The following TNFSF4 variants were observed in gnomAD, a reference collection of about 807,000 sequenced individuals.
TNFSF4 encodes the protein TNF superfamily member 4, also known as tumor necrosis factor ligand superfamily member 4.
TNFSF4 carries 4 observed loss-of-function variants against 7.3 expected under a neutral mutation model. The observed-to-expected ratio is 0.55, with a 90% CI of 0.27 to 1.25. The LOEUF is 1.25. TNFSF4 is among the 50% of genes most tolerant of loss of function. The pLI is 0.12. For synonymous variants in TNFSF4, 76 were observed against 83.7 expected (o/e 0.91, Z 0.50); for missense variants, 181 against 208.8 (o/e 0.87, Z 0.82).
the TNFSF4 span, among the ~76,000 whole-genome samples, chr1:173,359,250 A>G: frequency 6.6e-6 from 1 of 152,186 alleles, no homozygotes; most frequent in Non-Finnish European, 1.5e-5. Context: ...AGTAGTAACT[A>G]GAAAATGTTT....
chr1:173,384,939 AT>A, the TNFSF4 span, among the ~76,000 whole-genome samples: 13 of 152,246 alleles, frequency 8.5e-5, no homozygotes, highest in Non-Finnish European at 1.3e-4. Context: ...TAGTTCAAAT[AT>A]GGTTTTAGTG....
chr1:173,361,425 C>T, the TNFSF4 span, among the ~76,000 whole-genome samples: 1 of 152,000 alleles, frequency 6.6e-6, no homozygotes, highest in African/African-American at 2.4e-5. Flanking sequence ...ATGGTGAAAC[C>T]CCATCTCTAC....
intron 1 of TNFSF4, among the ~76,000 whole-genome samples, chr1:173,197,093 T>C (rs1431862560): frequency 6.6e-6 from 1 of 152,234 alleles, no homozygotes; most frequent in Non-Finnish European, 1.5e-5. Flanking sequence ...ACACTGGCTC[T>C]AGTCAACACT....
chr1:173,295,306 T>C, the TNFSF4 span, among the ~76,000 whole-genome samples: 1 of 152,010 alleles, frequency 6.6e-6, no homozygotes, highest in Middle Eastern at 3.2e-3. Context: ...GCTTTATTCA[T>C]AATAGCTAAA....
the TNFSF4 span, among the ~76,000 whole-genome samples, chr1:173,177,257 T>C: frequency 2.6e-5 from 4 of 152,122 alleles, no homozygotes; most frequent in African/African-American, 9.7e-5. Flanking sequence ...GAATACTATT[T>C]GGCTGTAAAA....
At chr1:173,250,686 T>C in the TNFSF4 span, among the ~76,000 whole-genome samples, 11,194 of 151,966 alleles carry the variant, frequency 0.074, 806 homozygotes, top group African/African-American at 0.19. Context: ...GTCTCGATCT[T>C]CTGACCTCGT....
chr1:173,225,939 C>T, the TNFSF4 span, among the ~76,000 whole-genome samples: 6 of 152,116 alleles, frequency 3.9e-5, no homozygotes, highest in African/African-American at 1.4e-4. Flanking sequence ...AAATATAAAA[C>T]AGGCTATTAA....
the TNFSF4 span, among the ~76,000 whole-genome samples, chr1:173,320,703 G>A: frequency 0.14 from 20,764 of 152,026 alleles, 2,220 homozygotes; most frequent in African/African-American, 0.3. Context: ...CAGAGAGCCA[G>A]ATCATGAGTG....
chr1:173,182,392 C>T (rs1649071245), downstream of TNFSF4, among the ~76,000 whole-genome samples: 1 of 152,108 alleles, frequency 6.6e-6, no homozygotes, highest in African/African-American at 2.4e-5. Flanking sequence ...CCCATTACAT[C>T]CATACAGAGC....
the TNFSF4 span, among the ~76,000 whole-genome samples, chr1:173,251,872 G>T: frequency 6.6e-6 from 1 of 152,104 alleles, no homozygotes; most frequent in Admixed American, 6.6e-5. Flanking sequence ...CCATTATAAG[G>T]ATTTGTGCCT....
the TNFSF4 span, among the ~76,000 whole-genome samples, chr1:173,242,574 G>A: frequency 2.0e-5 from 3 of 152,168 alleles, no homozygotes; most frequent in Admixed American, 6.5e-5. Flanking sequence ...GATTTTGCAA[G>A]CATGATTAAA....
chr1:173,229,930 A>C, the TNFSF4 span, among the ~76,000 whole-genome samples: 3 of 152,336 alleles, frequency 2.0e-5, no homozygotes, highest in African/African-American at 7.2e-5. Context: ...CAGATTCATA[A>C]AGCAAGTCCT....
the TNFSF4 span, among the ~76,000 whole-genome samples, chr1:173,425,117 T>C: frequency 3.0e-5 from 4 of 133,582 alleles, no homozygotes; most frequent in South Asian, 1.2e-3. Flanking sequence ...TTCCTTTCTT[T>C]TAATTGGGTA....
chr1:173,321,376 T>C, the TNFSF4 span, among the ~76,000 whole-genome samples: 1 of 152,080 alleles, frequency 6.6e-6, no homozygotes, highest in Admixed American at 6.6e-5. Context: ...CTAAAAACCC[T>C]AGAAGAAAAC....
chr1:173,319,895 G>T, the TNFSF4 span, among the ~76,000 whole-genome samples: 3 of 152,078 alleles, frequency 2.0e-5, no homozygotes, highest in African/African-American at 4.8e-5. Flanking sequence ...ACAAAGATGA[G>T]GAAAAACCAG....
At chr1:173,287,668 A>G in the TNFSF4 span, among the ~76,000 whole-genome samples, 1 of 152,230 alleles carries the variant, frequency 6.6e-6, no homozygotes, top group Non-Finnish European at 1.5e-5. Context: ...ACTGGAAACA[A>G]CTGAAATGAT....
the TNFSF4 span, among the ~76,000 whole-genome samples, chr1:173,230,822 C>T: frequency 2.7e-4 from 41 of 152,140 alleles, no homozygotes; most frequent in African/African-American, 8.9e-4. Flanking sequence ...GACACCTCTA[C>T]GCAAATAAAC....
chr1:173,301,812 C>T, the TNFSF4 span, among the ~76,000 whole-genome samples: 4 of 147,074 alleles, frequency 2.7e-5, no homozygotes, highest in Non-Finnish European at 6.0e-5. Context: ...CACCCATGCA[C>T]CCCACCCCCA....
At chr1:173,192,284 G>A (rs1247036440) in intron 1 of TNFSF4, among the ~76,000 whole-genome samples, 2 of 152,142 alleles carry the variant, frequency 1.3e-5, no homozygotes, top group Non-Finnish European at 2.9e-5. Flanking sequence ...TAGCAGCTTT[G>A]TTCATAATTG....
Sources: gnomAD v4.1 joint callset for allele counts (sites outside exome capture counted in the v4.1 genomes callset) on GRCh38, gnomAD v4.1.1 for gene constraint, MANE v1.5 for transcripts, NCBI Gene and HGNC (gene_info 2026-07-23, HGNC 2026-07-21) for gene names.